Variants in ZNF18 observed in about 807,000 individuals in gnomAD.
The protein encoded by ZNF18 is heart development-specific gene 1 protein.
Under a neutral mutation model 58.1 loss-of-function variants are expected in ZNF18, and 42 were observed. The observed-to-expected ratio is 0.72, with a 90% CI of 0.56 to 0.93. ZNF18 has a LOEUF of 0.93. Ranked by LOEUF, ZNF18 falls within the 40% of genes least tolerant of loss-of-function variation. The probability of loss-of-function intolerance (pLI) is 0.00; values close to 1 mark genes in which losing one functional copy is unlikely to be tolerated. For missense variants in ZNF18, 540 were observed against 644.2 expected, an observed-to-expected ratio of 0.84 and a Z score of 1.75; for synonymous variants, 231 against 239.8, an observed-to-expected ratio of 0.96 and a Z score of 0.34.
chr17:11,997,631 G>T (rs1030964637), upstream of ZNF18: 13 of 152,244 alleles, frequency 8.5e-5, no homozygotes, highest in African/African-American at 3.1e-4. Context: ...ACATGGCAGC[G>T]AGGTTCCCGA....
chr17:11,992,311 A>G, intron 2 of ZNF18, 132 bp downstream of exon 2: 1 of 1,180,716 alleles, frequency 8.5e-7, no homozygotes, highest in Non-Finnish European at 1.2e-6. Flanking sequence ...AGAGAATCAC[A>G]GAATTGGCCA....
At chr17:11,991,250 C>T in intron 2 of ZNF18, 87 bp from the exon 3 acceptor site, 1 of 1,164,198 alleles carries the variant, frequency 8.6e-7, no homozygotes, top group Non-Finnish European at 1.2e-6. Context: ...TACAACAGAT[C>T]ATAAGACAAT....
the ZNF18 span, among the ~76,000 whole-genome samples, chr17:12,012,433 T>C: frequency 1.3e-5 from 2 of 152,244 alleles, no homozygotes; most frequent in African/African-American, 2.4e-5. Context: ...CTTGGACATA[T>C]ATCATTTTGC....
the ZNF18 span, among the ~76,000 whole-genome samples, chr17:12,005,710 T>C: frequency 1.9e-4 from 29 of 152,202 alleles, 1 homozygote; most frequent in Admixed American, 9.2e-4. Context: ...ATGAGGTGTA[T>C]TATATTTCTG....
chr17:11,998,846 T>TTTTTTTTTTTGTG (rs1555537903), upstream of ZNF18, among the ~76,000 whole-genome samples: 2 of 116,562 alleles, frequency 1.7e-5, no homozygotes, highest in South Asian at 2.9e-4. Flanking sequence ...TTTTTTTTTT[T>TTTTTTTTTTTGTG]TGTATTTTTG....
At chr17:11,982,069 G>A (rs937003316) in intron 6 of ZNF18, among the ~76,000 whole-genome samples, 21 of 150,828 alleles carry the variant, frequency 1.4e-4, no homozygotes, top group African/African-American at 4.6e-4. Flanking sequence ...CTTCCTCTCC[G>A]CCTCTCCTCT....
chr17:11,978,840 CTTT>C (rs56969015), intron 6 of ZNF18, 96 bp from the exon 7 acceptor site: 766 of 120,124 alleles, frequency 6.4e-3, no homozygotes, highest in South Asian at 0.016. Flanking sequence ...CATTCATTTT[CTTT>C]TTTTTTTTTT....
the ZNF18 span, among the ~76,000 whole-genome samples, chr17:12,004,790 G>A: frequency 2.0e-5 from 3 of 151,506 alleles, no homozygotes. Context: ...GGGAGGCTGA[G>A]GCAGGAGAAT....
upstream of ZNF18, chr17:11,998,565 CTGTA>C (rs1968596516): frequency 9.3e-5 from 14 of 150,600 alleles, no homozygotes; most frequent in South Asian, 2.8e-3. Context: ...ATAACATGTC[CTGTA>C]CCTGTCATTA....
At chr17:12,011,815 C>T in the ZNF18 span, among the ~76,000 whole-genome samples, 541 of 151,624 alleles carry the variant, frequency 3.6e-3, 3 homozygotes, top group African/African-American at 9.1e-3. Flanking sequence ...ATTCTCCTGC[C>T]TCAGCCTCCT....
chr17:11,990,657 C>A, intron 3 of ZNF18, 107 bp from the exon 4 acceptor site: 1 of 837,174 alleles, frequency 1.2e-6, no homozygotes, highest in Non-Finnish European at 1.9e-6. Flanking sequence ...TGAACAATAC[C>A]TGTACTGCCA....
chr17:12,012,347 T>C, the ZNF18 span, among the ~76,000 whole-genome samples: 2 of 152,234 alleles, frequency 1.3e-5, no homozygotes, highest in South Asian at 4.1e-4. Flanking sequence ...ATTCGCTCCA[T>C]GTTTATTCAG....
At chr17:12,010,301 T>C in the ZNF18 span, among the ~76,000 whole-genome samples, 1 of 152,230 alleles carries the variant, frequency 6.6e-6, no homozygotes, top group African/African-American at 2.4e-5. Context: ...ACTCAGTACA[T>C]TTATTTTCTG....
the ZNF18 span, among the ~76,000 whole-genome samples, chr17:12,016,540 C>A: frequency 6.6e-6 from 1 of 152,046 alleles, no homozygotes; most frequent in South Asian, 2.1e-4. Context: ...ATGTTGCCCA[C>A]CTTGGTTTTG....
chr17:12,019,760 C>T, the ZNF18 span, among the ~76,000 whole-genome samples: 3 of 152,208 alleles, frequency 2.0e-5, no homozygotes, highest in Non-Finnish European at 2.9e-5. Context: ...CTGTGAAGAA[C>T]TCTCAGCATC....
chr17:11,978,840 CTTTTTTTTTTTT>C lies in ZNF18; in HGVS notation c.863-108_863-97del, dbSNP rs56969015. The C allele has an allele frequency of 4.4e-4, 53 of 120,558 alleles. 1 individual carries two copies. The highest frequency in any genetic ancestry group is 2.6e-3 in the African/African-American group (51 of 19,456). 7.5% of individuals were successfully genotyped at this position (120,558 alleles called of 1,614,324 possible). ...AGGGTCATCATAAAACATTCATTTTCTTTTTTTTTTTTTTTTTTTTTTTTTTAGGGCATTAGT... is the reference window on the plus strand; with the variant it reads ...AGGGTCATCATAAAACATTCATTTTCTTTTTTTTTTTTTTAGGGCATTAGT... On this transcript the variant is annotated intron_variant, in intron 6 of 6. Coordinates refer to ENST00000580306, the MANE Select transcript of ZNF18 (RefSeq NM_001303281.2).
At chr17:11,983,428 G>T in intron 5 of ZNF18, 21 bp from the exon 6 acceptor site, 1 of 1,583,872 alleles carries the variant, frequency 6.3e-7, no homozygotes, top group Non-Finnish European at 8.7e-7. Flanking sequence ...AAAGATGTAT[G>T]GTGGGCCTGG....
At chr17:12,007,561 G>A in the ZNF18 span, among the ~76,000 whole-genome samples, 1 of 152,192 alleles carries the variant, frequency 6.6e-6, no homozygotes, top group African/African-American at 2.4e-5. Context: ...GCTGACTTTG[G>A]GCAGTCAGAC....
At chr17:11,994,009 C>A (rs1459049333) in intron 1 of ZNF18, among the ~76,000 whole-genome samples, 1 of 151,958 alleles carries the variant, frequency 6.6e-6, no homozygotes, top group African/African-American at 2.4e-5. Flanking sequence ...AAGGATCATC[C>A]ACTACTTCTA....
Sources: gnomAD v4.1 joint callset for allele counts (sites outside exome capture counted in the v4.1 genomes callset) on GRCh38, gnomAD v4.1.1 for gene constraint, MANE v1.5 for transcripts, NCBI Gene and HGNC (gene_info 2026-07-23, HGNC 2026-07-21) for gene names.